The following TM9SF3 variants were observed in gnomAD, a reference collection of about 807,000 sequenced individuals.
TM9SF3 encodes SM-11044-binding protein.
A neutral mutation model predicts 78.6 loss-of-function variants in TM9SF3; 14 were observed. The ratio of observed to expected loss-of-function variants is 0.18; its 90% confidence interval spans 0.12 to 0.28. The LOEUF is 0.28. Among genes scored for constraint, TM9SF3 ranks in the 10% least tolerant of loss-of-function variants. The pLI, the probability that TM9SF3 is intolerant of heterozygous loss-of-function variation, is 1.00. For missense variants in TM9SF3, 496 were observed against 721.9 expected (o/e 0.69, Z 3.59); for synonymous variants, 231 against 241.7 (o/e 0.96, Z 0.41).
At chr10:96,586,609 G>A in intron 1 of TM9SF3, 125 bp downstream of exon 1, 8 of 787,014 alleles carry the variant, frequency 1.0e-5, no homozygotes, top group Non-Finnish European at 1.3e-5. Context: ...GGCCCAACCG[G>A]AAGGAGTCCT....
chr10:96,567,363 G>A (rs1448342603), intron 2 of TM9SF3, among the ~76,000 whole-genome samples: 2 of 152,144 alleles, frequency 1.3e-5, no homozygotes, highest in African/African-American at 2.4e-5. Flanking sequence ...GGGATTACAG[G>A]CGTGAGCCAC....
At chr10:96,526,264 C>T (rs1166748722) in intron 14 of TM9SF3, among the ~76,000 whole-genome samples, 2 of 152,044 alleles carry the variant, frequency 1.3e-5, no homozygotes, top group Non-Finnish European at 2.9e-5. Flanking sequence ...AAATGGCTAT[C>T]GTTACTACCT....
At chr10:96,564,007 C>CA (rs1848341365) in intron 3 of TM9SF3, among the ~76,000 whole-genome samples, 1 of 151,848 alleles carries the variant, frequency 6.6e-6, no homozygotes, top group Admixed American at 6.6e-5. Context: ...AAACCTAAAG[C>CA]ATGATGGCTT....
chr10:96,578,562 T>C (rs1465786046), intron 1 of TM9SF3, among the ~76,000 whole-genome samples: 2 of 152,202 alleles, frequency 1.3e-5, no homozygotes, highest in Non-Finnish European at 2.9e-5. Context: ...AAGGTCTAAA[T>C]GTTAATGTAG....
At chr10:96,576,399 G>C (rs1564940685) in intron 2 of TM9SF3, 1 of 307,202 alleles carries the variant, frequency 3.3e-6, no homozygotes, top group Non-Finnish European at 5.9e-6. Context: ...GTCTAAAGTA[G>C]TGGTTCTCAA....
In TM9SF3 at chr10:96,520,453, G is replaced by C. The variant is rs1156488; in HGVS notation, c.*1810C>G. On this transcript the variant is annotated 3_prime_UTR_variant, in exon 15 of 15. Transcript: ENST00000371142. ...ATATAGGATGTAGAGTCCATCAATA[G>C]ATAGGTACATATTTTGTAATGAAAA... 1 of 155,252 alleles carries C rather than the reference G, an allele frequency of 6.4e-6. No individual in the cohort carries two copies. Among genetic ancestry groups the C allele is most frequent in the Admixed American group, 6.5e-5 (1 of 15,318 alleles). The allele number at this position is 155,252 out of a possible 1,614,324, so 9.6% of individuals were successfully genotyped here.
intron 8 of TM9SF3, among the ~76,000 whole-genome samples, chr10:96,545,395 CCTT>C (rs1848085257): frequency 6.6e-6 from 1 of 152,198 alleles, no homozygotes; most frequent in South Asian, 2.1e-4. Flanking sequence ...CAGAAAAACT[CCTT>C]AATCCTGAGT....
rs767109438 is a variant in TM9SF3, at chr10:96,527,478, G to C, written c.1560C>G (p.Leu520=). 6 of 1,610,014 alleles carry C rather than the reference G, an allele frequency of 3.7e-6. No homozygotes were observed. The South Asian group carries it at 6.6e-5, about 18-fold the overall frequency. ...CATAGATTGCAGTTGATGCAGCAGA[G>C]AGAAAACTTGTCCATTGCCTGGTGG... ...EDYRWQWTSF[L]SAASTAIYVY... The change falls in exon 13 of 15, where the codon CTC becomes CTG. Residue 520 remains leucine, a synonymous_variant. Transcript: ENST00000371142.
chr10:96,583,099 A>AAAAG (rs1304567696), intron 1 of TM9SF3, among the ~76,000 whole-genome samples: 14 of 151,950 alleles, frequency 9.2e-5, no homozygotes, highest in Non-Finnish European at 1.9e-4. Flanking sequence ...AAAAAGAAAA[A>AAAAG]AAAGAAAGAA....
At chr10:96,573,252 C>A (rs952154512) in intron 2 of TM9SF3, among the ~76,000 whole-genome samples, 1 of 152,144 alleles carries the variant, frequency 6.6e-6, no homozygotes, top group Non-Finnish European at 1.5e-5. Context: ...ATGGATAAAT[C>A]ACTTTATCTC....
chr10:96,562,856 TCCAATGTTCCCCAC>T (rs1279786649), intron 3 of TM9SF3, among the ~76,000 whole-genome samples: 2 of 152,234 alleles, frequency 1.3e-5, no homozygotes, highest in African/African-American at 2.4e-5. Context: ...CAGCTATTTG[TCCAATGTTCCCCAC>T]CCAAGCCTAA....
At chr10:96,552,615 GCAGTATTTAA>G (rs1386532475) in intron 6 of TM9SF3, among the ~76,000 whole-genome samples, 1 of 152,070 alleles carries the variant, frequency 6.6e-6, no homozygotes, top group Admixed American at 6.6e-5. Context: ...TGAATTTTAA[GCAGTATTTAA>G]CAGTATTAGA....
At chr10:96,571,738 T>C (rs1374567485) in intron 2 of TM9SF3, among the ~76,000 whole-genome samples, 3 of 152,146 alleles carry the variant, frequency 2.0e-5, no homozygotes, top group African/African-American at 4.8e-5. Context: ...CTCTGTTAAG[T>C]TGCGAAATTC....
In TM9SF3 at chr10:96,552,955, G is replaced by A. The variant is rs1283739510; in HGVS notation, c.765C>T (p.Tyr255=). 5 of 1,595,846 alleles carry A rather than the reference G, an allele frequency of 3.1e-6. No homozygotes were observed. The East Asian group carries it at 6.8e-5, about 22-fold the overall frequency. The change falls in exon 6 of 15, where the codon TAC becomes TAT. Residue 255 remains tyrosine, a synonymous_variant. Coordinates refer to ENST00000371142, the MANE Select transcript of TM9SF3 (RefSeq NM_020123.4). ...MRTLRKDYAR[Y]SKEEEMDDMD... ...TATCATCCATTTCTTCCTCTTTACT[G>A]TACCGAGCATAATCTTTTCTTAATG...
intron 13 of TM9SF3, 22 bp from the exon 14 acceptor site, chr10:96,527,311 ATAGGATATCCAGTTTTACTTTCAACT>A: frequency 6.2e-7 from 1 of 1,600,662 alleles, no homozygotes; most frequent in Non-Finnish European, 8.5e-7. Context: ...CAAAATATAT[ATAGGATATCCAGTTTTACTTTCAACT>A]TAAGGCCTTA....
Position 96,556,696 on chromosome 10 carries a change from C to T in TM9SF3, c.660+2963G>A, listed in dbSNP as rs1848237969. 2.6e-5 allele frequency among the ~76,000 whole-genome samples: 4 copies of T among 152,128 alleles called. No homozygotes were observed. In the South Asian group the frequency reaches 8.3e-4, roughly 32 times the overall value. ...AAAAATCTCCTAATTCCATTTTCCACACTGGCTACTGCACCATTTCTTTGC... is the reference window on the plus strand; with the variant it reads ...AAAAATCTCCTAATTCCATTTTCCATACTGGCTACTGCACCATTTCTTTGC... On this transcript the variant is annotated intron_variant, in intron 5 of 14. Transcript: ENST00000371142.
Position 96,528,289 on chromosome 10 carries a change from T to C in TM9SF3, c.1395-112A>G. On this transcript the variant is annotated intron_variant, in intron 11 of 14. Transcript: ENST00000371142. ...ATTTTTTTCTCACTTAATGACTTTC[T>C]TTCAAGTATCTTCCAACAGCTTCTC... 5 of 1,071,044 alleles carry C rather than the reference T, an allele frequency of 4.7e-6. No homozygotes were observed. The South Asian group carries it at 7.9e-5, about 17-fold the overall frequency. 66.3% of individuals were successfully genotyped at this position (1,071,044 alleles called of 1,614,324 possible).
intron 9 of TM9SF3, among the ~76,000 whole-genome samples, chr10:96,535,080 G>A (rs1589448403): frequency 6.6e-6 from 1 of 152,168 alleles, no homozygotes; most frequent in Non-Finnish European, 1.5e-5. Flanking sequence ...GCTGAAGTGA[G>A]GGCACATCTT....
intron 9 of TM9SF3, among the ~76,000 whole-genome samples, chr10:96,537,746 C>T (rs918513176): frequency 6.6e-6 from 1 of 152,054 alleles, no homozygotes; most frequent in African/African-American, 2.4e-5. Context: ...GTAGGAGAAT[C>T]GCTTGAACCC....
Sources: allele counts gnomAD v4.1 joint callset (sites outside exome capture counted in the v4.1 genomes callset), GRCh38; gene constraint gnomAD v4.1.1; transcripts MANE v1.5; gene names NCBI Gene and HGNC (gene_info 2026-07-23, HGNC 2026-07-21).